The following GNG4 variants were observed in gnomAD, a reference collection of about 807,000 sequenced individuals.
The protein encoded by GNG4 is G protein subunit gamma 4, also known as guanine nucleotide-binding protein G(I)/G(S)/G(O) subunit gamma-4.
Under a neutral mutation model 5.8 loss-of-function variants are expected in GNG4, and 4 were observed. The ratio of observed to expected loss-of-function variants is 0.69; its 90% CI spans 0.34 to 1.57. GNG4 has a LOEUF of 1.57. Ranked by LOEUF, GNG4 falls within the 40% of genes most tolerant of loss-of-function variation. GNG4 has a pLI of 0.06. For synonymous variants in GNG4, 29 were observed against 32.9 expected (o/e 0.88, Z 0.41); for missense variants, 96 against 95.1 (o/e 1.01, Z -0.04).
chr1:235,597,399 ACCC>A, intron 1 of GNG4, among the ~76,000 whole-genome samples: 1 of 119,348 alleles, frequency 8.4e-6, no homozygotes, highest in South Asian at 2.7e-4. Context: ...TGTCCCCCCT[ACCC>A]CCCCCAAATT....
chr1:235,600,446 G>GTA (rs1558492741), intron 1 of GNG4, among the ~76,000 whole-genome samples: 55 of 91,180 alleles, frequency 6.0e-4, no homozygotes, highest in Admixed American at 1.3e-3. Flanking sequence ...GTGTATATGT[G>GTA]TGTGTGTGTA....
intron 1 of GNG4, among the ~76,000 whole-genome samples, chr1:235,606,944 CTTTTTT>C (rs1181596456): frequency 5.7e-5 from 7 of 123,714 alleles, no homozygotes; most frequent in Admixed American, 8.1e-5. Flanking sequence ...CCTTTCTTTC[CTTTTTT>C]TTTTTTTTTT....
intron 3 of GNG4, among the ~76,000 whole-genome samples, chr1:235,564,512 C>T (rs911242322): frequency 2.0e-5 from 3 of 152,154 alleles, no homozygotes; most frequent in Admixed American, 2.0e-4. Context: ...GTAATAAAGA[C>T]TCTTGGACTG....
chr1:235,611,120 C>CA, intron 1 of GNG4, among the ~76,000 whole-genome samples: 1 of 150,884 alleles, frequency 6.6e-6, no homozygotes, highest in South Asian at 2.1e-4. Context: ...AGAAGCACTG[C>CA]AAAAGAGATA....
At chr1:235,586,967 C>A (rs1270271777) in intron 2 of GNG4, among the ~76,000 whole-genome samples, 1 of 152,166 alleles carries the variant, frequency 6.6e-6, no homozygotes, top group Non-Finnish European at 1.5e-5. Flanking sequence ...AGACTCCATC[C>A]CTCTCGCCCC....
At chr1:235,596,794 C>T (rs533559285) in intron 1 of GNG4, among the ~76,000 whole-genome samples, 27 of 152,074 alleles carry the variant, frequency 1.8e-4, no homozygotes, top group African/African-American at 4.3e-4. Flanking sequence ...GGAAAAATCA[C>T]GGCTCACTGT....
intron 1 of GNG4, among the ~76,000 whole-genome samples, chr1:235,643,463 C>G (rs1017225973): frequency 6.6e-6 from 1 of 152,232 alleles, no homozygotes; most frequent in Admixed American, 6.5e-5. Context: ...TGCACCCCCT[C>G]TAGGTTCTGA....
At chr1:235,599,320 G>GTT (rs10538491) in intron 1 of GNG4, among the ~76,000 whole-genome samples, 2 of 140,132 alleles carry the variant, frequency 1.4e-5, no homozygotes. Flanking sequence ...TTTTTGGTTT[G>GTT]TTTTTTTTTT....
At chr1:235,568,181 G>T (rs1687247434) in intron 3 of GNG4, among the ~76,000 whole-genome samples, 1 of 147,556 alleles carries the variant, frequency 6.8e-6, no homozygotes, top group Admixed American at 6.8e-5. Context: ...ACCTATGACT[G>T]CCTTGGCAAA....
At chr1:235,636,689 G>A (rs918843251) in intron 1 of GNG4, among the ~76,000 whole-genome samples, 4 of 152,256 alleles carry the variant, frequency 2.6e-5, no homozygotes, top group Non-Finnish European at 5.9e-5. Flanking sequence ...CCAGAGATCC[G>A]ATGAACCCCC....
At chr1:235,631,075 T>A (rs1688923223) in intron 1 of GNG4, among the ~76,000 whole-genome samples, 1 of 152,122 alleles carries the variant, frequency 6.6e-6, no homozygotes, top group Non-Finnish European at 1.5e-5. Flanking sequence ...ATTTTTGTAT[T>A]TTTAATAGAG....
intron 1 of GNG4, 132 bp from the exon 2 acceptor site, chr1:235,595,643 C>T (rs1022242168): frequency 6.6e-6 from 1 of 152,346 alleles, no homozygotes; most frequent in South Asian, 2.1e-4. Flanking sequence ...CCTGGGGACT[C>T]CATATCAGAC....
At chr1:235,557,993 T>C (rs957333662) in intron 3 of GNG4, among the ~76,000 whole-genome samples, 4 of 152,234 alleles carry the variant, frequency 2.6e-5, no homozygotes, top group African/African-American at 9.6e-5. Flanking sequence ...ACAATTTTTC[T>C]TGCAAGAAAA....
At chr1:235,587,594 T>C (rs1266965190) in intron 2 of GNG4, among the ~76,000 whole-genome samples, 21 of 594 alleles carry the variant, frequency 0.035, no homozygotes, top group East Asian at 0.083. Context: ...TGAGTGTGAG[T>C]GTGGGAGGGC....
chr1:235,592,932 G>T (rs1484721204), intron 2 of GNG4, among the ~76,000 whole-genome samples: 1 of 143,986 alleles, frequency 6.9e-6, no homozygotes, highest in African/African-American at 2.6e-5. Context: ...AGCAGACCCC[G>T]GTTTGCTCTG....
rs1337006964 is a variant in GNG4 at position 235,642,009 on chromosome 1, G to A, written c.-123+7653C>T. On this transcript the variant is annotated intron_variant, in intron 1 of 3. Coordinates refer to ENST00000391854, the MANE Select transcript of GNG4 (RefSeq NM_001098722.2). The surrounding 1 kb of genome is among the most constrained non-coding windows in gnomAD (Gnocchi z 4.3). ...ACCGTAACAGAACTTCCATGAGGGCGGGGATTTTTCGCTTCCCCCGCAACT... is the reference window on the plus strand; with the variant it reads ...ACCGTAACAGAACTTCCATGAGGGCAGGGATTTTTCGCTTCCCCCGCAACT... 6.6e-6 allele frequency among the ~76,000 whole-genome samples: 1 copy of A among 152,326 alleles called. No homozygotes were observed. The highest frequency in any genetic ancestry group is 1.9e-4 in the East Asian group (1 of 5,194).
chr1:235,641,408 C>T (rs969255416), intron 1 of GNG4, among the ~76,000 whole-genome samples: 1 of 151,692 alleles, frequency 6.6e-6, no homozygotes, highest in African/African-American at 2.4e-5. Flanking sequence ...AATAAATAAT[C>T]GGCGGGGCAC....
intron 3 of GNG4, among the ~76,000 whole-genome samples, chr1:235,559,428 T>C (rs1401023775): frequency 6.7e-6 from 1 of 149,510 alleles, no homozygotes; most frequent in East Asian, 1.9e-4. Flanking sequence ...ACTCTTGTGC[T>C]TTTTTTTTTC....
At position 235,649,349 on chromosome 1, in the gene GNG4, C is replaced by A. The variant is rs1056753120; in HGVS notation, c.-123+313G>T. Among the ~76,000 whole-genome samples, 1 of 152,208 alleles carries A rather than the reference C, an allele frequency of 6.6e-6. No individual in the cohort carries two copies. Among genetic ancestry groups the A allele is most frequent in the Admixed American group, 6.5e-5 (1 of 15,292 alleles). On this transcript the variant is annotated intron_variant, in intron 1 of 3. Coordinates refer to ENST00000391854, the MANE Select transcript of GNG4 (RefSeq NM_001098722.2). The surrounding 1 kb of genome is among the most constrained non-coding windows in gnomAD (Gnocchi z 5.7). The stretch of plus-strand genomic sequence containing the variant: ...CAAATGGAAGAGGGGACCCCCGAGC[C>A]CCCGCCTGCCTCATGCCGGAGGGAC...
Sources: gnomAD v4.1 joint callset for allele counts (sites outside exome capture counted in the v4.1 genomes callset) on GRCh38, gnomAD v4.1.1 for gene constraint, Gnocchi (gnomAD v3.1) non-coding constraint, MANE v1.5 for transcripts, NCBI Gene and HGNC (gene_info 2026-07-23, HGNC 2026-07-21) for gene names.